ZFHX3: variants seen among roughly 807,000 people sequenced by gnomAD.
The protein encoded by ZFHX3 is zinc finger homeobox protein 3.
ZFHX3 carries 42 observed loss-of-function variants against 279.1 expected under a neutral mutation model. The ratio of observed to expected loss-of-function variants is 0.15; its 90% CI spans 0.12 to 0.19. The LOEUF (loss-of-function observed/expected upper bound fraction) is 0.19. ZFHX3 is among the 10% of genes least tolerant of loss of function. The pLI is 1.00. For synonymous variants in ZFHX3, 2,293 were observed against 1,957.8 expected, an observed-to-expected ratio of 1.17 and a Z score of -4.52; for missense variants, 4,981 against 4,754.0, an observed-to-expected ratio of 1.05 and a Z score of -1.40.
chr16:73,849,968 G>C (rs1417877122), intron 1 of ZFHX3, among the ~76,000 whole-genome samples: 1 of 152,104 alleles, frequency 6.6e-6, no homozygotes, highest in African/African-American at 2.4e-5. Flanking sequence ...CCTGACCTCA[G>C]GTGATCCACT....
At chr16:73,247,689 T>C (rs1169251281) in intron 5 of ZFHX3, among the ~76,000 whole-genome samples, 1 of 151,518 alleles carries the variant, frequency 6.6e-6, no homozygotes, top group Non-Finnish European at 1.5e-5. Context: ...ATGCGGAGTA[T>C]ACGTGTGTGT....
At chr16:73,696,412 A>T (rs573721381) in intron 1 of ZFHX3, among the ~76,000 whole-genome samples, 14 of 152,346 alleles carry the variant, frequency 9.2e-5, no homozygotes, top group African/African-American at 3.4e-4. Flanking sequence ...TGGCACTGTG[A>T]CACATACACT....
chr16:73,480,775 C>A (rs1267800356), intron 2 of ZFHX3, among the ~76,000 whole-genome samples: 1 of 152,078 alleles, frequency 6.6e-6, no homozygotes, highest in African/African-American at 2.4e-5. Flanking sequence ...CATTGCCAGA[C>A]ACTAGCTTGT....
chr16:73,038,676 ACTCTCTCT>A (rs35471941), intron 1 of ZFHX3, among the ~76,000 whole-genome samples: 1 of 147,398 alleles, frequency 6.8e-6, no homozygotes, highest in Non-Finnish European at 1.5e-5. Context: ...ATAAGCTTGT[ACTCTCTCT>A]CTCTCTCTCT....
intron 4 of ZFHX3, among the ~76,000 whole-genome samples, chr16:72,854,937 G>A (rs77771869): frequency 1.1e-5 from 1 of 89,928 alleles, no homozygotes; most frequent in Non-Finnish European, 2.3e-5. Flanking sequence ...AAATTGGTGG[G>A]TGGGGGGGGG....
At chr16:73,001,251 C>T (rs1371109794) in intron 1 of ZFHX3, among the ~76,000 whole-genome samples, 2 of 152,176 alleles carry the variant, frequency 1.3e-5, no homozygotes. Flanking sequence ...CAGCCTCCAG[C>T]CAGCAGCTCT....
intron 1 of ZFHX3, among the ~76,000 whole-genome samples, chr16:73,803,929 G>A (rs1181706961): frequency 1.3e-5 from 2 of 152,148 alleles, no homozygotes; most frequent in Admixed American, 6.6e-5. Context: ...GGAAGCCAAG[G>A]CATGCAGATG....
intron 1 of ZFHX3, among the ~76,000 whole-genome samples, chr16:73,758,652 G>A (rs567046948): frequency 1.2e-4 from 18 of 152,310 alleles, no homozygotes; most frequent in Admixed American, 4.6e-4. Context: ...ATACACAGGC[G>A]GATCTAACAG....
intron 3 of ZFHX3, among the ~76,000 whole-genome samples, chr16:73,398,786 T>C (rs1337200445): frequency 6.6e-6 from 1 of 152,154 alleles, no homozygotes; most frequent in Non-Finnish European, 1.5e-5. Flanking sequence ...GTCTGGGAAC[T>C]CCTATAACAC....
At chr16:73,734,891 A>T (rs1163037275) in intron 1 of ZFHX3, among the ~76,000 whole-genome samples, 1 of 152,188 alleles carries the variant, frequency 6.6e-6, no homozygotes, top group African/African-American at 2.4e-5. Context: ...ATATAAAAAA[A>T]GTTGCTCTTA....
intron 2 of ZFHX3, among the ~76,000 whole-genome samples, chr16:73,481,454 A>G (rs1447510155): frequency 6.6e-6 from 1 of 152,178 alleles, no homozygotes; most frequent in Non-Finnish European, 1.5e-5. Flanking sequence ...TTAAATAATT[A>G]AAGAGGGTCT....
chr16:73,073,285 A>G (rs537920786), intron 8 of ZFHX3, among the ~76,000 whole-genome samples: 3 of 152,280 alleles, frequency 2.0e-5, no homozygotes, highest in Non-Finnish European at 4.4e-5. Flanking sequence ...TTATGAGGCT[A>G]CCTTCTAGAG....
intron 1 of ZFHX3, among the ~76,000 whole-genome samples, chr16:73,055,689 C>T (rs1024906245): frequency 7.8e-6 from 1 of 127,696 alleles, no homozygotes; most frequent in African/African-American, 2.7e-5. Flanking sequence ...CGCGCGCGCG[C>T]GCGCGCGCGC....
intron 4 of ZFHX3, among the ~76,000 whole-genome samples, chr16:73,311,941 G>T (rs1311113856): frequency 6.6e-6 from 1 of 152,168 alleles, no homozygotes; most frequent in Non-Finnish European, 1.5e-5. Context: ...GAACTGATGA[G>T]GTTGCTGAAA....
At chr16:73,466,307 C>T (rs1261594270) in intron 2 of ZFHX3, among the ~76,000 whole-genome samples, 3 of 152,174 alleles carry the variant, frequency 2.0e-5, no homozygotes, top group Non-Finnish European at 4.4e-5. Context: ...CATGGGAAAA[C>T]CCTGTCTCTA....
At chr16:73,773,881 T>C (rs899417419) in intron 1 of ZFHX3, among the ~76,000 whole-genome samples, 1 of 152,168 alleles carries the variant, frequency 6.6e-6, no homozygotes, top group African/African-American at 2.4e-5. Context: ...CTCATGCCTG[T>C]AAACCCAGCA....
At chr16:72,850,180 G>A (rs1368397383) in intron 4 of ZFHX3, among the ~76,000 whole-genome samples, 1 of 152,138 alleles carries the variant, frequency 6.6e-6, no homozygotes, top group African/African-American at 2.4e-5. Context: ...CCACCCTGGG[G>A]AAGCCTTCCT....
chr16:72,959,853 T>C lies in ZFHX3; in HGVS notation c.293A>G (p.His98Arg). ...FASLQTYMEH[H>R]CPSARPPPPL... The stretch of plus-strand genomic sequence containing the variant: ...TGGCGGGGGGCGCGCGCTGGGGCAG[T>C]GGTGCTCCATGTAGGTCTGGAGGCT... The change falls in exon 2 of 10, where the codon CAC (histidine) becomes CGC (arginine). Residue 98 changes from histidine to arginine, a missense_variant. By Grantham distance (29) the His-to-Arg change is conservative (BLOSUM62 0). Transcript: ENST00000268489. 1 of 1,599,810 alleles carries C rather than the reference T, an allele frequency of 6.3e-7. No individual in the cohort carries two copies. Among genetic ancestry groups the C allele is most frequent in the Non-Finnish European group, 8.5e-7 (1 of 1,171,600 alleles).
chr16:73,495,165 G>A (rs150988389), intron 2 of ZFHX3, among the ~76,000 whole-genome samples: 4 of 152,304 alleles, frequency 2.6e-5, no homozygotes, highest in African/African-American at 9.6e-5. Context: ...CCTTTAGCAT[G>A]TTAAAATATT....
Sources: gnomAD v4.1 joint callset for allele counts (sites outside exome capture counted in the v4.1 genomes callset) on GRCh38, gnomAD v4.1.1 for gene constraint, MANE v1.5 for transcripts, NCBI Gene and HGNC (gene_info 2026-07-23, HGNC 2026-07-21) for gene names.